The following PRSS38 variants were observed in gnomAD, a reference collection of about 807,000 sequenced individuals.
The protein encoded by PRSS38 is marapsin 2.
PRSS38 carries 22 observed loss-of-function variants against 26.8 expected under a neutral mutation model. The ratio of observed to expected loss-of-function variants is 0.82; its 90% CI spans 0.59 to 1.17. The LOEUF is 1.17. Ranked by LOEUF, PRSS38 falls within the 50% of genes most tolerant of loss-of-function variation. The pLI, the probability that PRSS38 is intolerant of heterozygous loss-of-function variation, is 0.00. For missense variants in PRSS38, 427 were observed against 422.7 expected, an observed-to-expected ratio of 1.01 and a Z score of -0.09; for synonymous variants, 175 against 172.1, an observed-to-expected ratio of 1.02 and a Z score of -0.13.
chr1:227,818,592 CT>C (rs990559856), intron 3 of PRSS38, among the ~76,000 whole-genome samples: 8 of 146,006 alleles, frequency 5.5e-5, no homozygotes, highest in African/African-American at 2.0e-4. Context: ...GTGGAAAGAT[CT>C]CTTGATCCCA....
chr1:227,840,211 T>C (rs559248220), intron 3 of PRSS38, among the ~76,000 whole-genome samples: 31 of 152,290 alleles, frequency 2.0e-4, no homozygotes, highest in African/African-American at 7.5e-4. Context: ...GGCCTCAAAC[T>C]CCCAGGCTCA....
At chr1:227,837,980 T>C (rs537239550) in intron 3 of PRSS38, among the ~76,000 whole-genome samples, 4 of 152,286 alleles carry the variant, frequency 2.6e-5, no homozygotes, top group African/African-American at 7.2e-5. Flanking sequence ...GGTTTCAAAC[T>C]TCTGGCCTCA....
chr1:227,836,013 C>T (rs186023396), intron 3 of PRSS38, among the ~76,000 whole-genome samples: 53 of 151,918 alleles, frequency 3.5e-4, no homozygotes, highest in Admixed American at 2.6e-3. Context: ...CGTGGCAGGA[C>T]GATAGCTTAA....
chr1:227,846,119 C>T (rs1395396507), exon 5 of PRSS38: 6 of 1,614,148 alleles, frequency 3.7e-6, no homozygotes. Flanking sequence ...CACGCCCACT[C>T]CTGCTCAGCC....
chr1:227,826,589 A>G (rs961232581), intron 3 of PRSS38, among the ~76,000 whole-genome samples: 2 of 152,132 alleles, frequency 1.3e-5, no homozygotes, highest in Non-Finnish European at 2.9e-5. Flanking sequence ...GGTGGCATAC[A>G]TCTGTAGTCC....
intron 3 of PRSS38, among the ~76,000 whole-genome samples, chr1:227,828,082 C>T (rs1474415704): frequency 1.3e-5 from 2 of 152,166 alleles, no homozygotes; most frequent in Admixed American, 1.3e-4. Flanking sequence ...AGTTCTTCTG[C>T]ATTCGCTAAG....
intron 3 of PRSS38, among the ~76,000 whole-genome samples, chr1:227,839,108 C>T (rs1169401466): frequency 6.6e-6 from 1 of 152,174 alleles, no homozygotes; most frequent in Non-Finnish European, 1.5e-5. Context: ...TCTTTCCTGC[C>T]AGCCCTAAGG....
At chr1:227,828,531 G>A (rs764050662) in intron 3 of PRSS38, among the ~76,000 whole-genome samples, 72 of 152,178 alleles carry the variant, frequency 4.7e-4, no homozygotes, top group Non-Finnish European at 8.2e-4. Flanking sequence ...CCTGCCAGTC[G>A]CGATAGGCTG....
At chr1:227,831,718 G>A (rs918640753) in intron 3 of PRSS38, among the ~76,000 whole-genome samples, 2 of 152,078 alleles carry the variant, frequency 1.3e-5, no homozygotes, top group Non-Finnish European at 2.9e-5. Context: ...TGGGTGTGGT[G>A]GCATGCACCT....
intron 3 of PRSS38, among the ~76,000 whole-genome samples, chr1:227,843,966 T>C (rs59772158): frequency 0.068 from 10,302 of 152,130 alleles, 559 homozygotes; most frequent in African/African-American, 0.15. Context: ...CCAGCCTGGG[T>C]GACAGAGTGA....
chr1:227,827,931 C>A (rs1195915882), intron 3 of PRSS38, among the ~76,000 whole-genome samples: 1 of 152,084 alleles, frequency 6.6e-6, no homozygotes, highest in Non-Finnish European at 1.5e-5. Flanking sequence ...TTGATTTCTG[C>A]CTTAATTTCA....
intron 3 of PRSS38, among the ~76,000 whole-genome samples, chr1:227,821,802 CT>C (rs1333574360): frequency 1.3e-5 from 2 of 152,070 alleles, no homozygotes; most frequent in Non-Finnish European, 2.9e-5. Flanking sequence ...TATAATGTGT[CT>C]TGTTGGGGGT....
intron 3 of PRSS38, among the ~76,000 whole-genome samples, chr1:227,825,465 C>CA (rs1390194543): frequency 6.6e-6 from 1 of 152,216 alleles, no homozygotes; most frequent in Non-Finnish European, 1.5e-5. Flanking sequence ...GCTGTGATTA[C>CA]AGGCGTAAGC....
Position 227,845,455 on chromosome 1 carries a change from G to A in PRSS38, c.584-15G>A, listed in dbSNP as rs1157859654. On this transcript the variant is annotated splice_polypyrimidine_tract_variant and intron_variant, in intron 3 of 4. Coordinates refer to ENST00000366757, the Ensembl canonical transcript of PRSS38. Reference sequence around the variant, plus strand: ...AAGCAGGTGCTGCCCCCTCACGGGAGCCCTCCTCCCACAGGTGAGACCTCA... The same window carrying A: ...AAGCAGGTGCTGCCCCCTCACGGGAACCCTCCTCCCACAGGTGAGACCTCA... 3.1e-6 allele frequency: 5 copies of A among 1,602,628 alleles called. No homozygotes were observed. The highest frequency in any genetic ancestry group is 4.3e-6 in the Non-Finnish European group (5 of 1,176,252).
chr1:227,828,352 C>T (rs758339093), intron 3 of PRSS38, among the ~76,000 whole-genome samples: 41 of 152,104 alleles, frequency 2.7e-4, no homozygotes, highest in Non-Finnish European at 5.1e-4. Context: ...TAATAACTTG[C>T]GTTATGAATC....
At chr1:227,838,858 T>A (rs1245560465) in intron 3 of PRSS38, among the ~76,000 whole-genome samples, 3 of 152,304 alleles carry the variant, frequency 2.0e-5, no homozygotes, top group African/African-American at 7.2e-5. Context: ...TATTTTATTT[T>A]AAAAAATTCA....
At chr1:227,843,408 A>G (rs1388928394) in intron 3 of PRSS38, among the ~76,000 whole-genome samples, 2 of 152,194 alleles carry the variant, frequency 1.3e-5, no homozygotes, top group Admixed American at 1.3e-4. Flanking sequence ...CACAAAAACA[A>G]AAAACAAAAA....
rs144968143 is a variant in PRSS38 at position 227,846,111 on chromosome 1, C to T, written c.884C>T (p.Thr295Met). The T allele has an allele frequency of 7.6e-5, 123 of 1,614,130 alleles. 1 individual carries two copies. Among genetic ancestry groups the T allele is most frequent in the South Asian group, 6.9e-4 (63 of 91,086 alleles). Residue 295 changes from threonine to methionine, a missense_variant, in exon 5 of 5, where the codon ACG becomes ATG. Thr to Met is a moderately conservative substitution (Grantham distance 81, BLOSUM62 -1). Transcript: ENST00000366757. The stretch of plus-strand genomic sequence containing the variant: ...TGGATATGTGATAACATAGAAATCA[C>T]GCCCACTCCTGCTCAGCCAGCCCCT...
chr1:227,845,572 T>G, exon 4 of PRSS38: 1 of 1,613,818 alleles, frequency 6.2e-7, no homozygotes, highest in Non-Finnish European at 8.5e-7. Context: ...CCCGACATGC[T>G]GTGTGCTGGG....
Sources: allele counts gnomAD v4.1 joint callset (sites outside exome capture counted in the v4.1 genomes callset), GRCh38; gene constraint gnomAD v4.1.1; transcripts MANE v1.5; gene names NCBI Gene and HGNC (gene_info 2026-07-23, HGNC 2026-07-21).